Variants in ZNF385C observed in about 807,000 individuals in gnomAD.
The protein encoded by ZNF385C is CTD-2132N18.2.
In ZNF385C, 28 loss-of-function variants were observed where a neutral mutation model predicts 35.4. That is an observed-to-expected ratio of 0.79 (90% CI 0.59 to 1.08). ZNF385C has a LOEUF of 1.08. ZNF385C is among the 50% of genes least tolerant of loss of function. The pLI is 0.00. For missense variants in ZNF385C, 605 were observed against 595.6 expected, an observed-to-expected ratio of 1.02 and a Z score of -0.16; for synonymous variants, 248 against 248.2, an observed-to-expected ratio of 1.00 and a Z score of 0.01.
chr17:42,027,788 T>C, intron 7 of ZNF385C, 60 bp from the exon 8 acceptor site: 1 of 1,538,416 alleles, frequency 6.5e-7, no homozygotes, highest in South Asian at 1.1e-5. Flanking sequence ...CCCAAGACCA[T>C]CATCCTCGAC....
chr17:42,043,424 G>GC (rs1382238277), intron 2 of ZNF385C: 255 of 1,227,288 alleles, frequency 2.1e-4, no homozygotes, highest in Non-Finnish European at 2.5e-4. Flanking sequence ...GAATGCTCTT[G>GC]CCCCCCTGCC....
Position 42,031,645 on chromosome 17 carries a change from CCA to C in ZNF385C, c.648_649del (p.Ser216ArgfsTer9). The C allele has an allele frequency of 1.9e-6, 3 of 1,550,630 alleles. No homozygotes were observed. In the East Asian group the frequency reaches 7.3e-5, roughly 38 times the overall value. On this transcript the variant is annotated frameshift_variant, in exon 5 of 9. Coordinates refer to ENST00000692273, the MANE Select transcript of ZNF385C (RefSeq NM_001392013.1). LOFTEE classifies it high-confidence loss of function. ...TTTACTCTGTGGCTCTCCAGGGGCT[CCA>C]CTGGCCAGCGTTGGGATTGGGGACA...
chr17:42,027,094 C>T lies in ZNF385C; in HGVS notation c.1315G>A (p.Ala439Thr). The T allele has an allele frequency of 1.2e-6, 2 of 1,612,748 alleles. No homozygotes were observed. Among genetic ancestry groups the T allele is most frequent in the Non-Finnish European group, 1.7e-6 (2 of 1,179,488 alleles). The change falls in exon 9 of 9, where the codon GCA becomes ACA. Residue 439 changes from alanine (A) to threonine (T), a missense_variant. Coordinates refer to ENST00000692273, the MANE Select transcript of ZNF385C (RefSeq NM_001392013.1). ...ALQKQLTKTL[A>T]ARFLPSPLPT... ...AGCGGGCTGGGCAGGAAGCGGGCTG[C>T]CAACGTCTTGGTGAGTTGCTTCTGC...
At position 42,050,765 on chromosome 17, in the gene ZNF385C, C is replaced by T. The variant is rs1305590563; in HGVS notation, c.250+12042G>A. ...CGCCTCCCGCCCAGCGCGCTCAGCCCGGCCCCGGCCCCACCCCCCAGCCCC... is the reference window on the plus strand; with the variant it reads ...CGCCTCCCGCCCAGCGCGCTCAGCCTGGCCCCGGCCCCACCCCCCAGCCCC... On this transcript the variant is annotated intron_variant, in intron 2 of 8. Transcript: ENST00000692273. This position sits in a 1 kb window ranked among gnomAD's most constrained non-coding sequence, Gnocchi z 5.6. 1.3e-5 allele frequency among the ~76,000 whole-genome samples: 2 copies of T among 150,954 alleles called. No individual in the cohort carries two copies. The highest frequency in any genetic ancestry group is 3.0e-5 in the Non-Finnish European group (2 of 67,700).
At chr17:42,044,093 C>CCCA (rs560147063) in intron 2 of ZNF385C, among the ~76,000 whole-genome samples, 132 of 146,734 alleles carry the variant, frequency 9.0e-4, no homozygotes, top group African/African-American at 3.2e-3. Flanking sequence ...CTCACTTAAG[C>CCCA]CCAGGAGTTC....
chr17:42,073,134 G>A (rs1444950780), intron 1 of ZNF385C, among the ~76,000 whole-genome samples: 1 of 152,128 alleles, frequency 6.6e-6, no homozygotes, highest in South Asian at 2.1e-4. Flanking sequence ...TACAGACCAG[G>A]AAAAGAAAGA....
chr17:42,034,160 CCCAG>C, intron 4 of ZNF385C, 61 bp downstream of exon 4: 1 of 1,327,036 alleles, frequency 7.5e-7, no homozygotes, highest in Non-Finnish European at 1.1e-6. Context: ...ACTCTGAAAG[CCCAG>C]CCTCCAGCCC....
At chr17:42,074,095 C>T (rs1449386078) in intron 1 of ZNF385C, among the ~76,000 whole-genome samples, 2 of 152,224 alleles carry the variant, frequency 1.3e-5, no homozygotes, top group African/African-American at 4.8e-5. Flanking sequence ...GCCCCTTTCC[C>T]CAGCTTCATC....
chr17:42,028,740 T>C (rs2143512747), intron 6 of ZNF385C, 43 bp downstream of exon 6: 4 of 1,523,416 alleles, frequency 2.6e-6, no homozygotes, highest in Non-Finnish European at 3.5e-6. Flanking sequence ...GCTTAGCTTC[T>C]GTCCCACCCT....
chr17:42,036,601 GAGA>G (rs2052861026), intron 3 of ZNF385C, among the ~76,000 whole-genome samples: 1 of 152,192 alleles, frequency 6.6e-6, no homozygotes, highest in South Asian at 2.1e-4. Flanking sequence ...AGAGCTTAGA[GAGA>G]AGAACATGGG....
chr17:42,055,198 C>T (rs1435381006), intron 2 of ZNF385C, among the ~76,000 whole-genome samples: 7 of 152,188 alleles, frequency 4.6e-5, no homozygotes, highest in African/African-American at 1.4e-4. Flanking sequence ...GGGTTGGCAG[C>T]GGCAGCTCCT....
At chr17:42,038,799 G>A (rs1306135565) in intron 2 of ZNF385C, 1 of 152,232 alleles carries the variant, frequency 6.6e-6, no homozygotes. Flanking sequence ...TATTGGTGAG[G>A]AGGGAAGGAA....
chr17:42,063,707 G>A (rs1186197381), intron 1 of ZNF385C, among the ~76,000 whole-genome samples: 3 of 152,174 alleles, frequency 2.0e-5, no homozygotes, highest in African/African-American at 7.2e-5. Context: ...CACTGAGGGA[G>A]AGGCAGTGGC....
chr17:42,029,781 C>T (rs1480937491), intron 5 of ZNF385C, among the ~76,000 whole-genome samples: 1 of 151,960 alleles, frequency 6.6e-6, no homozygotes, highest in Non-Finnish European at 1.5e-5. Flanking sequence ...CGCCTGTGAT[C>T]CCAACACTTT....
intron 1 of ZNF385C, among the ~76,000 whole-genome samples, chr17:42,094,831 G>A (rs1285026309): frequency 6.6e-6 from 1 of 152,212 alleles, no homozygotes; most frequent in African/African-American, 2.4e-5. Context: ...ACCAACCGCT[G>A]CCGGCATCTG....
chr17:42,084,611 T>G (rs1408723463), intron 1 of ZNF385C, among the ~76,000 whole-genome samples: 1 of 152,058 alleles, frequency 6.6e-6, no homozygotes, highest in Admixed American at 6.6e-5. Flanking sequence ...AATGATAATT[T>G]TATTTTATTT....
chr17:42,048,744 C>T (rs540881373), intron 2 of ZNF385C, among the ~76,000 whole-genome samples: 1 of 152,248 alleles, frequency 6.6e-6, no homozygotes, highest in South Asian at 2.1e-4. Flanking sequence ...TCCCTTCTCT[C>T]CACACCACTG....
At chr17:42,039,570 G>A in intron 2 of ZNF385C, 1 of 811,738 alleles carries the variant, frequency 1.2e-6, no homozygotes, top group South Asian at 6.5e-5. Flanking sequence ...AGCTCCAGAA[G>A]GGCGGGTGGA....
intron 2 of ZNF385C, chr17:42,038,644 T>G (rs2052924147): frequency 6.6e-6 from 1 of 152,432 alleles, no homozygotes; most frequent in African/African-American, 2.4e-5. Context: ...CTGGGGCTTT[T>G]TTCGACCCTG....
Sources: gnomAD v4.1 joint callset for allele counts (sites outside exome capture counted in the v4.1 genomes callset) on GRCh38, gnomAD v4.1.1 for gene constraint, Gnocchi (gnomAD v3.1) non-coding constraint, MANE v1.5 for transcripts, NCBI Gene and HGNC (gene_info 2026-07-23, HGNC 2026-07-21) for gene names.